Variants in ALDH18A1 observed in about 807,000 individuals in gnomAD.
The protein encoded by ALDH18A1 is delta-1-pyrroline-5-carboxylate synthase.
A neutral mutation model predicts 88.8 loss-of-function variants in ALDH18A1; 44 were observed. That is an observed-to-expected ratio of 0.50 (90% CI 0.39 to 0.64). The LOEUF (loss-of-function observed/expected upper bound fraction) is 0.64, where lower values mean the gene tolerates loss of function less well. Among genes scored for constraint, ALDH18A1 ranks in the 30% least tolerant of loss-of-function variants. ALDH18A1 has a pLI of 0.00. For synonymous variants in ALDH18A1, 331 were observed against 372.1 expected, an observed-to-expected ratio of 0.89 and a Z score of 1.27; for missense variants, 782 against 1,009.5, an observed-to-expected ratio of 0.77 and a Z score of 3.05.
rs1333946053 is a variant in ALDH18A1, at chr10:95,633,644, C to G, written c.564G>C (p.Leu188Phe). 1 of 1,613,676 alleles carries G rather than the reference C, an allele frequency of 6.2e-7. No homozygotes were observed. The highest frequency in any genetic ancestry group is 8.5e-7 in the Non-Finnish European group (1 of 1,179,940). ...CATCATGGAAATCCAAATTGGTCAC[C>G]AAAATCTAAAAGGATTAAATAGATG... is the stretch of plus-strand genomic sequence containing the variant. Reference protein sequence around the residue: ...TQYSICAAQILVTNLDFHDEQ... With the variant: ...TQYSICAAQIFVTNLDFHDEQ... The change falls in exon 6 of 18, where the codon TTG (leucine) becomes TTC (phenylalanine). Residue 188 changes from leucine to phenylalanine, a missense_variant. This residue lies in a region of ALDH18A1 where 132 missense variants were observed against 255.5 expected (regional missense o/e 0.52). Transcript: ENST00000371224.
chr10:95,638,979 C>T (rs1276710590), intron 3 of ALDH18A1, among the ~76,000 whole-genome samples: 1 of 151,980 alleles, frequency 6.6e-6, no homozygotes, highest in Non-Finnish European at 1.5e-5. Flanking sequence ...CTCAAGCAAC[C>T]CCCTGACCTC....
intron 5 of ALDH18A1, among the ~76,000 whole-genome samples, chr10:95,634,156 G>C (rs1782105221): frequency 6.6e-6 from 1 of 152,124 alleles, no homozygotes; most frequent in African/African-American, 2.4e-5. Context: ...TCTTGCAAAA[G>C]TACTTTAATC....
rs778636647 is a variant in ALDH18A1 at position 95,610,287 on chromosome 10, T to C, written c.2116A>G (p.Thr706Ala). The change falls in exon 17 of 18, where the codon ACA becomes GCA. Residue 706 changes from threonine (T) to alanine (A), a missense_variant. Around this residue, in one of 3 missense-constraint regions of ALDH18A1, gnomAD observed 556 missense variants for 654.5 expected, o/e 0.85. Transcript: ENST00000371224. Reference protein sequence around the residue: ...TDVIVTEDENTAEFFLQHVDS... With the variant: ...TDVIVTEDENAAEFFLQHVDS... ...ACGTGCTGCAGGAAGAACTCCGCTG[T>C]GTTTTCTGCAGGGTGAAGAAGGAGA... The C allele has an allele frequency of 1.9e-6, 3 of 1,614,000 alleles. No homozygotes were observed. Among genetic ancestry groups the C allele is most frequent in the Non-Finnish European group, 2.5e-6 (3 of 1,179,900 alleles).
chr10:95,613,506 C>T (rs926466832), intron 15 of ALDH18A1, among the ~76,000 whole-genome samples: 3 of 152,206 alleles, frequency 2.0e-5, no homozygotes, highest in African/African-American at 7.2e-5. Context: ...TTTGAACCCT[C>T]TTTAGCACAC....
rs1254894712 is a variant in ALDH18A1, at chr10:95,606,509, G to T, written c.*253C>A. 1 of 1,346,772 alleles carries T rather than the reference G, an allele frequency of 7.4e-7. No homozygotes were observed. The highest frequency in any genetic ancestry group is 1.5e-5 in the African/African-American group (1 of 67,916). The allele number at this position is 1,346,772 out of a possible 1,614,324, so 83.4% of individuals were successfully genotyped here. A position where few individuals can be genotyped will look rare whatever the true frequency, so the allele number is the denominator to read the frequency against. ...GAAAATGCACCTTTCAATCCTAGAA[G>T]ATAATTGGACTTGGCAAAGTCCCTA... On this transcript the variant is annotated 3_prime_UTR_variant, in exon 18 of 18. Coordinates refer to ENST00000371224, the MANE Select transcript of ALDH18A1 (RefSeq NM_002860.4).
At chr10:95,628,068 T>G (rs989500368) in intron 8 of ALDH18A1, among the ~76,000 whole-genome samples, 1 of 152,218 alleles carries the variant, frequency 6.6e-6, no homozygotes, top group Non-Finnish European at 1.5e-5. Flanking sequence ...CATCAAGAAA[T>G]ATTTGAACTG....
chr10:95,606,438 G>A lies in ALDH18A1; in HGVS notation c.*324C>T. 2 of 1,205,208 alleles carry A rather than the reference G, an allele frequency of 1.7e-6. No individual in the cohort carries two copies. The allele number at this position is 1,205,208 out of a possible 1,614,324, so 74.7% of individuals were successfully genotyped here. ...ATGCCAAGGGGGACTGTAAGTCACT[G>A]AGGTGACACAAAGCAGCCATGGGTT... On this transcript the variant is annotated 3_prime_UTR_variant, in exon 18 of 18. Coordinates refer to ENST00000371224, the MANE Select transcript of ALDH18A1 (RefSeq NM_002860.4).
intron 2 of ALDH18A1, among the ~76,000 whole-genome samples, chr10:95,649,300 G>A (rs983318172): frequency 3.3e-5 from 5 of 151,442 alleles, no homozygotes; most frequent in African/African-American, 7.3e-5. Flanking sequence ...AGGATCTTTT[G>A]AGCCCAGAAG....
chr10:95,631,381 A>C (rs2097869091), intron 7 of ALDH18A1, among the ~76,000 whole-genome samples: 1 of 152,222 alleles, frequency 6.6e-6, no homozygotes. Flanking sequence ...AAAAACTGAA[A>C]GTAATCAAAA....
chr10:95,642,906 A>G, intron 3 of ALDH18A1, 86 bp downstream of exon 3: 1 of 1,330,790 alleles, frequency 7.5e-7, no homozygotes, highest in Middle Eastern at 2.5e-4. Flanking sequence ...TTATTTTTTT[A>G]AGTTGATGAG....
rs1165265222 is a variant in ALDH18A1, at chr10:95,613,931, C to A, written c.1801+35G>T. 6 of 1,614,168 alleles carry A rather than the reference C, an allele frequency of 3.7e-6. 1 individual carries two copies. In the South Asian group the frequency reaches 6.6e-5, roughly 18 times the overall value. Reference sequence around the variant, plus strand: ...CAGAGCTGCAGAGGATGTAATATTTCTCCGTTGTGAAAGAGAAGACCCCAT... The same window carrying A: ...CAGAGCTGCAGAGGATGTAATATTTATCCGTTGTGAAAGAGAAGACCCCAT... On this transcript the variant is annotated intron_variant, in intron 14 of 17. Transcript: ENST00000371224.
At chr10:95,616,123 TAA>T (rs1373467594) in intron 13 of ALDH18A1, among the ~76,000 whole-genome samples, 1 of 152,218 alleles carries the variant, frequency 6.6e-6, no homozygotes, top group African/African-American at 2.4e-5. Context: ...CAAACTTTTG[TAA>T]AGTTTCTCAT....
intron 12 of ALDH18A1, among the ~76,000 whole-genome samples, chr10:95,618,613 C>G (rs1053242711): frequency 6.6e-6 from 1 of 152,142 alleles, no homozygotes; most frequent in African/African-American, 2.4e-5. Context: ...TGTGCCTGGC[C>G]GACAGTTGCA....
chr10:95,614,405 C>CA (rs2097841076), intron 13 of ALDH18A1, among the ~76,000 whole-genome samples: 2 of 152,230 alleles, frequency 1.3e-5, no homozygotes, highest in African/African-American at 4.8e-5. Context: ...CAGGACACTG[C>CA]ATGCCGTCAA....
chr10:95,653,437 T>C (rs1371936630), intron 1 of ALDH18A1, 32 bp from the exon 2 acceptor site: 3 of 1,526,258 alleles, frequency 2.0e-6, no homozygotes. Flanking sequence ...AAGTGAGTAA[T>C]GAAAAATACT....
rs1246410252 is a variant in ALDH18A1, at chr10:95,637,331, C to T, written c.409G>A (p.Val137Met). The T allele has an allele frequency of 2.5e-6, 4 of 1,614,142 alleles. No individual in the cohort carries two copies. The highest frequency in any genetic ancestry group is 1.3e-5 in the African/African-American group (1 of 74,948). ...LRHEILLSQS[V>M]RQALHSGQNQ... ...TGCCCCGAGTGGAGGGCCTGCCGCACGCTCTGAGACAGAAGGATCTCATGG... is the reference window on the plus strand; with the variant it reads ...TGCCCCGAGTGGAGGGCCTGCCGCATGCTCTGAGACAGAAGGATCTCATGG... Residue 137 changes from valine to methionine, a missense_variant, in exon 4 of 18, where the codon GTG (valine) becomes ATG (methionine). By Grantham distance (21) the Val-to-Met change is conservative (BLOSUM62 1). This residue lies in a region of ALDH18A1 where 132 missense variants were observed against 255.5 expected (regional missense o/e 0.52). Coordinates refer to ENST00000371224, the MANE Select transcript of ALDH18A1 (RefSeq NM_002860.4).
At chr10:95,620,638 T>C (rs568418849) in intron 12 of ALDH18A1, among the ~76,000 whole-genome samples, 9 of 152,274 alleles carry the variant, frequency 5.9e-5, no homozygotes, top group African/African-American at 2.2e-4. Flanking sequence ...TGCAGGGACA[T>C]GGATGAAGCT....
At chr10:95,634,818 A>C (rs540144324) in intron 5 of ALDH18A1, among the ~76,000 whole-genome samples, 17 of 152,236 alleles carry the variant, frequency 1.1e-4, no homozygotes, top group Non-Finnish European at 2.4e-4. Flanking sequence ...AATGGCAACA[A>C]ACCTTGAGGC....
rs913851343 is a variant in ALDH18A1 at position 95,606,469 on chromosome 10, C to T, written c.*293G>A. 70 of 1,254,342 alleles carry T rather than the reference C, an allele frequency of 5.6e-5. No homozygotes were observed. Among genetic ancestry groups the T allele is most frequent in the Non-Finnish European group, 6.7e-5 (66 of 989,308 alleles). 77.7% of individuals were successfully genotyped at this position (1,254,342 alleles called of 1,614,324 possible). On this transcript the variant is annotated 3_prime_UTR_variant, in exon 18 of 18. Transcript: ENST00000371224. ...ACACAAAGCAGCCATGGGTTTTCCT[C>T]GCCTTTTTTATGGGGAAAATGCACC... is the stretch of plus-strand genomic sequence containing the variant.
Sources: allele counts gnomAD v4.1 joint callset (sites outside exome capture counted in the v4.1 genomes callset), GRCh38; gene constraint gnomAD v4.1.1; regional missense constraint gnomAD v4.1.1; transcripts MANE v1.5; gene names NCBI Gene and HGNC (gene_info 2026-07-23, HGNC 2026-07-21).